KIF7: variants seen among roughly 807,000 people sequenced by gnomAD.
The protein encoded by KIF7 is kinesin family member 7.
KIF7 carries 104 observed loss-of-function variants against 135.7 expected under a neutral mutation model. That is an observed-to-expected ratio of 0.77 (90% CI 0.65 to 0.90). The LOEUF is 0.90. Among genes scored for constraint, KIF7 ranks in the 40% least tolerant of loss-of-function variants. KIF7 has a pLI of 0.00. For missense variants in KIF7, 2,005 were observed against 1,839.1 expected, an observed-to-expected ratio of 1.09 and a Z score of -1.65; for synonymous variants, 883 against 809.4, an observed-to-expected ratio of 1.09 and a Z score of -1.54.
At chr15:89,627,068 C>CTGGCT, downstream of KIF7, 1 of 1,614,108 alleles carries the variant, frequency 6.2e-7, no homozygotes, top group Non-Finnish European at 8.5e-7. Context: ...TCATGGGAAC[C>CTGGCT]TGGCTGGAGG....
chr15:89,632,854 G>A lies in KIF7; in HGVS notation c.2861C>T (p.Thr954Met), dbSNP rs141463861. ...TCTCAGGCGCTTGCTCTCCAGCCCC[G>A]TCTTCTCCTGCATCAGGGCCTCCTT... Reference protein sequence around the residue: ...AKKEALMQEKTGLESKRLRSS... With the variant: ...AKKEALMQEKMGLESKRLRSS... The change falls in exon 14 of 19, where the codon ACG (threonine) becomes ATG (methionine). Residue 954 changes from threonine (T) to methionine (M), a missense_variant. Coordinates refer to ENST00000394412, the MANE Select transcript of KIF7 (RefSeq NM_198525.3). The A allele has an allele frequency of 1.9e-4, 305 of 1,608,900 alleles. No individual in the cohort carries two copies. In the African/African-American group the frequency reaches 3.0e-3, roughly 16 times the overall value.
exon 2 of KIF7, chr15:89,618,193 C>T: frequency 6.2e-7 from 1 of 1,614,076 alleles, no homozygotes; most frequent in Non-Finnish European, 8.5e-7. Context: ...GTTGAAGAGT[C>T]CCCTGAAAAA....
At chr15:89,620,660 C>G (rs988416668) in intron 1 of KIF7, among the ~76,000 whole-genome samples, 4 of 152,076 alleles carry the variant, frequency 2.6e-5, no homozygotes, top group Admixed American at 6.5e-5. Context: ...TCCCGAGTTG[C>G]TCTCAAAAAT....
Position 89,631,648 on chromosome 15 carries a change from G to C in KIF7, c.2958C>G (p.Ser986=). The C allele has an allele frequency of 1.9e-6, 3 of 1,562,556 alleles. No homozygotes were observed. Among genetic ancestry groups the C allele is most frequent in the Non-Finnish European group, 2.6e-6 (3 of 1,152,226 alleles). Reference sequence around the variant, plus strand: ...CCTGCCGCAGCTGCCCGCTCTTCTCGGACAGCTCCTTCTCCAGGTGCTCCA... The same window carrying C: ...CCTGCCGCAGCTGCCCGCTCTTCTCCGACAGCTCCTTCTCCAGGTGCTCCA... The part of the protein sequence containing the change: ...SRLEHLEKEL[S]EKSGQLRQGS... The change falls in exon 15 of 19, where the codon TCC becomes TCG. Residue 986 remains serine, a synonymous_variant. Coordinates refer to ENST00000394412, the MANE Select transcript of KIF7 (RefSeq NM_198525.3).
chr15:89,646,895 C>T lies in KIF7; in HGVS notation c.1723G>A (p.Val575Met). 1 of 1,614,142 alleles carries T rather than the reference C, an allele frequency of 6.2e-7. No homozygotes were observed. The highest frequency in any genetic ancestry group is 1.7e-5 in the Admixed American group (1 of 60,020). ...CAGGCAGGCGGCACCATGCCCAGCA[C>T]ATGGGCGTGGGCACCCCCCAGGGGG... is the stretch of plus-strand genomic sequence containing the variant. ...TAPLGGAHAH[V>M]LGMVPPACLP... The change falls in exon 7 of 19, where the codon GTG (valine) becomes ATG (methionine). Residue 575 changes from valine (V) to methionine (M), a missense_variant. Physicochemically the swap from Val to Met is conservative, Grantham distance 21 (BLOSUM62 1). Transcript: ENST00000394412.
intron 1 of KIF7, among the ~76,000 whole-genome samples, chr15:89,653,442 T>G (rs2142037773): frequency 6.6e-6 from 1 of 152,234 alleles, no homozygotes; most frequent in South Asian, 2.1e-4. Flanking sequence ...CCTAAATATC[T>G]CTCAAGTTCA....
In KIF7 at chr15:89,618,804, A is replaced by T. The variant is rs528068719; in HGVS notation, c.181-609T>A. On this transcript the variant is annotated intron_variant and NMD_transcript_variant, in intron 1 of 2. Transcript: ENST00000558928. ...GAGGTGCTGTGTCTATAAAAAATTT[A>T]AAAAATCAGCTGGTCATGTTGGCAT... 1.2e-4 allele frequency among the ~76,000 whole-genome samples: 18 copies of T among 152,296 alleles called. No individual in the cohort carries two copies. In the South Asian group the frequency reaches 2.3e-3, roughly 19 times the overall value.
intron 1 of KIF7, among the ~76,000 whole-genome samples, chr15:89,619,313 C>A (rs899285604): frequency 1.3e-5 from 2 of 148,306 alleles, no homozygotes; most frequent in African/African-American, 5.0e-5. Context: ...GCAACCTCCA[C>A]CTCCCAGGTT....
intron 9 of KIF7, 49 bp from the exon 10 acceptor site, chr15:89,645,214 A>C: frequency 6.2e-7 from 1 of 1,602,298 alleles, no homozygotes; most frequent in East Asian, 2.2e-5. Context: ...ACAGTGGGGG[A>C]GACAGAGGAG....
At position 89,619,864 on chromosome 15, in the gene KIF7, C is replaced by G. The variant is rs548325094; in HGVS notation, c.181-1669G>C. 108 of 1,589,666 alleles carry G rather than the reference C, an allele frequency of 6.8e-5. 2 individuals carry two copies. The South Asian group carries it at 1.2e-3, about 18-fold the overall frequency. ...TCAGGTAACATACGGGCCCCTCTGC[C>G]TTCACAAGTCCGTGCTGACTTGGTG... On this transcript the variant is annotated intron_variant and NMD_transcript_variant, in intron 1 of 2. Transcript: ENST00000558928.
intron 11 of KIF7, among the ~76,000 whole-genome samples, chr15:89,640,489 A>G (rs1293999845): frequency 1.3e-5 from 2 of 152,174 alleles, no homozygotes; most frequent in Admixed American, 6.5e-5. Context: ...AACTTGACCA[A>G]CGACACATAG....
At chr15:89,641,037 C>T (rs942512685) in intron 11 of KIF7, among the ~76,000 whole-genome samples, 2 of 151,882 alleles carry the variant, frequency 1.3e-5, no homozygotes, top group Admixed American at 6.6e-5. Flanking sequence ...GGATGGAGAC[C>T]GTGATGGGCT....
chr15:89,661,536 T>C, the KIF7 span, among the ~76,000 whole-genome samples: 3 of 152,072 alleles, frequency 2.0e-5, no homozygotes, highest in East Asian at 1.9e-4. Flanking sequence ...GAGCAGTGAA[T>C]AGAAGGGTCC....
chr15:89,658,189 G>A (rs998702291), upstream of KIF7, among the ~76,000 whole-genome samples: 1 of 152,198 alleles, frequency 6.6e-6, no homozygotes, highest in African/African-American at 2.4e-5. Flanking sequence ...GGTGGCTCAT[G>A]CCTGTCATCC....
chr15:89,658,143 T>C (rs1964225236), upstream of KIF7, among the ~76,000 whole-genome samples: 1 of 152,194 alleles, frequency 6.6e-6, no homozygotes, highest in South Asian at 2.1e-4. Context: ...TCCTGCAGTA[T>C]ACAGTTTATT....
chr15:89,633,202 G>A lies in KIF7; in HGVS notation c.2657C>T (p.Ala886Val), dbSNP rs1308930729. ...ILKIKTEEIA[A>V]FQRKRRSGSN... ...GCCACTGCGCCTCTTCCTCTGGAAT[G>A]CCGCGATCTCTTCCGTCTTAATCTT... Residue 886 changes from alanine to valine, a missense_variant, in exon 13 of 19, where the codon GCA becomes GTA. Physicochemically the swap from Ala to Val is moderately conservative, Grantham distance 64. Coordinates refer to ENST00000394412, the MANE Select transcript of KIF7 (RefSeq NM_198525.3). The A allele has an allele frequency of 1.2e-6, 2 of 1,601,490 alleles. No individual in the cohort carries two copies. Among genetic ancestry groups the A allele is most frequent in the Non-Finnish European group, 1.7e-6 (2 of 1,176,962 alleles).
downstream of KIF7, chr15:89,623,631 G>A: frequency 6.2e-7 from 1 of 1,606,542 alleles, no homozygotes; most frequent in Non-Finnish European, 8.5e-7. Flanking sequence ...AGACTCCCAA[G>A]AAGAGTCACC....
chr15:89,633,413 C>A, intron 12 of KIF7, 147 bp from the exon 13 acceptor site: 1 of 1,127,954 alleles, frequency 8.9e-7, no homozygotes, highest in Non-Finnish European at 1.3e-6. Flanking sequence ...CACAAATCTC[C>A]CTGGAGACCG....
intron 1 of KIF7, among the ~76,000 whole-genome samples, chr15:89,618,566 C>G (rs1963373585): frequency 6.6e-6 from 1 of 152,156 alleles, no homozygotes; most frequent in African/African-American, 2.4e-5. Context: ...AGTGTCTTTT[C>G]TGAGACATTA....
Sources: allele counts gnomAD v4.1 joint callset (sites outside exome capture counted in the v4.1 genomes callset), GRCh38; gene constraint gnomAD v4.1.1; transcripts MANE v1.5; gene names NCBI Gene and HGNC (gene_info 2026-07-23, HGNC 2026-07-21).